GRM1: variants seen among roughly 807,000 people sequenced by gnomAD.
GRM1 encodes the protein metabotropic glutamate receptor 1.
In GRM1, 33 loss-of-function variants were observed where a neutral mutation model predicts 90.9. The observed-to-expected ratio is 0.36, with a 90% CI of 0.28 to 0.49. The LOEUF is 0.49. Among genes scored for constraint, GRM1 ranks in the 20% least tolerant of loss-of-function variants. The pLI is 0.99. For missense variants in GRM1, 1,190 were observed against 1,534.3 expected (o/e 0.78, Z 3.75); for synonymous variants, 700 against 613.2 (o/e 1.14, Z -2.09).
upstream of GRM1, chr6:146,029,050 C>T (rs918547238): frequency 4.0e-6 from 1 of 251,434 alleles, no homozygotes; most frequent in African/African-American, 2.3e-5. Context: ...TCAGTGACCA[C>T]AGCTGCGCTC....
intron 6 of GRM1, among the ~76,000 whole-genome samples, chr6:146,392,860 T>G (rs1776782150): frequency 6.6e-6 from 1 of 152,226 alleles, no homozygotes; most frequent in Non-Finnish European, 1.5e-5. Flanking sequence ...GCAAAGGACA[T>G]TAACTCATTC....
chr6:146,053,034 G>C (rs563269410), intron 1 of GRM1, among the ~76,000 whole-genome samples: 3 of 151,840 alleles, frequency 2.0e-5, no homozygotes, highest in Non-Finnish European at 4.4e-5. Flanking sequence ...ATTGACCTAC[G>C]GTACCCTTTC....
chr6:146,315,927 A>G (rs1222744685), intron 3 of GRM1, among the ~76,000 whole-genome samples: 1 of 152,240 alleles, frequency 6.6e-6, no homozygotes, highest in East Asian at 1.9e-4. Flanking sequence ...ATAACCAAAT[A>G]CTGTATGCCT....
chr6:146,164,572 A>G (rs1012450055), intron 2 of GRM1, among the ~76,000 whole-genome samples: 13 of 152,140 alleles, frequency 8.5e-5, no homozygotes, highest in Admixed American at 7.9e-4. Flanking sequence ...ATCAGCCTGT[A>G]TCTGAACAAT....
At chr6:146,184,301 T>G (rs530969297) in intron 2 of GRM1, among the ~76,000 whole-genome samples, 3 of 152,264 alleles carry the variant, frequency 2.0e-5, no homozygotes, top group Admixed American at 2.0e-4. Context: ...AGAAGCACTC[T>G]CTCTCCAACT....
chr6:146,191,387 A>G (rs1265679289), intron 2 of GRM1, among the ~76,000 whole-genome samples: 1 of 152,114 alleles, frequency 6.6e-6, no homozygotes, highest in Non-Finnish European at 1.5e-5. Context: ...TTAGTGAGTG[A>G]GGTGGTTTAC....
At chr6:146,433,354 A>G (rs1778479759) in intron 7 of GRM1, among the ~76,000 whole-genome samples, 1 of 152,202 alleles carries the variant, frequency 6.6e-6, no homozygotes, top group Admixed American at 6.5e-5. Flanking sequence ...ATACTTGCAT[A>G]TGAGAATGGG....
chr6:146,326,602 A>T (rs1021126364), intron 3 of GRM1, among the ~76,000 whole-genome samples: 1 of 152,194 alleles, frequency 6.6e-6, no homozygotes, highest in Non-Finnish European at 1.5e-5. Context: ...GTTAAAAAAA[A>T]ATAAAAGTGA....
At chr6:146,259,378 G>A (rs540640356) in intron 2 of GRM1, among the ~76,000 whole-genome samples, 14 of 152,186 alleles carry the variant, frequency 9.2e-5, no homozygotes, top group African/African-American at 2.4e-4. Flanking sequence ...TATTGTTAAC[G>A]TTAGGCCCAA....
At chr6:146,238,398 G>T (rs1780727952) in intron 2 of GRM1, among the ~76,000 whole-genome samples, 1 of 152,080 alleles carries the variant, frequency 6.6e-6, no homozygotes, top group Non-Finnish European at 1.5e-5. Flanking sequence ...AAATAAATTA[G>T]CTGTCACATT....
At chr6:146,426,384 A>G (rs868253523) in intron 7 of GRM1, among the ~76,000 whole-genome samples, 3 of 152,280 alleles carry the variant, frequency 2.0e-5, no homozygotes, top group Middle Eastern at 3.4e-3. Flanking sequence ...GGTTTTAAGA[A>G]ATAGCCTGGC....
chr6:146,107,112 T>C lies in GRM1; in HGVS notation c.701-52236T>C, dbSNP rs1365191102. ...CCCTTGACATCATTCCTGCAATGTT[T>C]TGTGCCTGTTAGCAGGAAGACGGCC... is the stretch of plus-strand genomic sequence containing the variant. On this transcript the variant is annotated intron_variant, in intron 1 of 7. Coordinates refer to ENST00000282753, the MANE Select transcript of GRM1 (RefSeq NM_001278064.2). 2.0e-5 allele frequency among the ~76,000 whole-genome samples: 3 copies of C among 152,184 alleles called. No homozygotes were observed. In the East Asian group the frequency reaches 5.8e-4, roughly 29 times the overall value.
chr6:146,266,181 C>T (rs1160411002), intron 2 of GRM1, among the ~76,000 whole-genome samples: 2 of 151,472 alleles, frequency 1.3e-5, no homozygotes, highest in East Asian at 3.9e-4. Flanking sequence ...GAACAAGACT[C>T]TGTCTTAAAA....
chr6:146,313,136 C>A (rs547403999), intron 3 of GRM1, among the ~76,000 whole-genome samples: 1 of 152,246 alleles, frequency 6.6e-6, no homozygotes, highest in South Asian at 2.1e-4. Flanking sequence ...TCTGAGGCAT[C>A]TAATGGCATC....
intron 3 of GRM1, among the ~76,000 whole-genome samples, chr6:146,313,400 T>C (rs1415331779): frequency 2.0e-5 from 3 of 152,194 alleles, no homozygotes; most frequent in African/African-American, 4.8e-5. Flanking sequence ...GTGAGTGTTT[T>C]CAATGATTAA....
intron 2 of GRM1, among the ~76,000 whole-genome samples, chr6:146,262,230 A>C (rs1781720846): frequency 6.6e-6 from 1 of 152,090 alleles, no homozygotes; most frequent in Non-Finnish European, 1.5e-5. Context: ...TGTTGTCCTC[A>C]TGTGGAAGAA....
At chr6:146,255,490 A>G (rs1781446169) in intron 2 of GRM1, among the ~76,000 whole-genome samples, 2 of 152,172 alleles carry the variant, frequency 1.3e-5, no homozygotes, top group Admixed American at 1.3e-4. Context: ...ATCCTTATCA[A>G]ACCAGGGGAT....
intron 2 of GRM1, among the ~76,000 whole-genome samples, chr6:146,203,992 C>T (rs1267206319): frequency 6.6e-6 from 1 of 152,126 alleles, no homozygotes; most frequent in East Asian, 1.9e-4. Flanking sequence ...AGAATAAATT[C>T]ACTTGTTCTT....
In GRM1 at chr6:146,029,784, C is replaced by A; in HGVS notation, c.267C>A (p.Ile89=). 6.2e-7 allele frequency: 1 copy of A among 1,614,104 alleles called. No individual in the cohort carries two copies. The highest frequency in any genetic ancestry group is 8.5e-7 in the Non-Finnish European group (1 of 1,180,002). The part of the protein sequence containing the change: ...VEAMFHTLDK[I]NADPVLLPNI... ...CCATGTTCCACACGTTGGATAAGATCAACGCGGACCCGGTCCTCCTGCCCA... is the reference window on the plus strand; with the variant it reads ...CCATGTTCCACACGTTGGATAAGATAAACGCGGACCCGGTCCTCCTGCCCA... The change falls in exon 1 of 8, where the codon ATC becomes ATA. Residue 89 remains isoleucine, a synonymous_variant. Coordinates refer to ENST00000282753, the MANE Select transcript of GRM1 (RefSeq NM_001278064.2).
Sources: gnomAD v4.1 joint callset for allele counts (sites outside exome capture counted in the v4.1 genomes callset) on GRCh38, gnomAD v4.1.1 for gene constraint, MANE v1.5 for transcripts, NCBI Gene and HGNC (gene_info 2026-07-23, HGNC 2026-07-21) for gene names.